The following SDK2 variants were observed in gnomAD, a reference collection of about 807,000 sequenced individuals.
The protein encoded by SDK2 is sidekick cell adhesion molecule 2.
SDK2 carries 105 observed loss-of-function variants against 253.9 expected under a neutral mutation model. The ratio of observed to expected loss-of-function variants is 0.41; its 90% CI spans 0.35 to 0.49. The LOEUF is 0.49. SDK2 is among the 20% of genes least tolerant of loss of function. The pLI is 0.06. For missense variants in SDK2, 2,608 were observed against 3,003.0 expected (o/e 0.87, Z 3.07); for synonymous variants, 1,249 against 1,234.9 (o/e 1.01, Z -0.24).
Position 73,501,242 on chromosome 17 carries a change from G to A in SDK2, c.224+6196C>T, listed in dbSNP as rs75041967. Reference sequence around the variant, plus strand: ...CACAAACACATACATGCATGTGCATGCACACACACACACACACATATTTTA... The same window carrying A: ...CACAAACACATACATGCATGTGCATACACACACACACACACACATATTTTA... On this transcript the variant is annotated intron_variant, in intron 2 of 44. Coordinates refer to ENST00000392650, the MANE Select transcript of SDK2 (RefSeq NM_001144952.2). Among the ~76,000 whole-genome samples the A allele has an allele frequency of 4.2e-4, 64 of 150,752 alleles. 1 individual carries two copies. The highest frequency in any genetic ancestry group is 8.0e-4 in the Non-Finnish European group (54 of 67,674).
intron 1 of SDK2, among the ~76,000 whole-genome samples, chr17:73,575,016 C>A (rs925515835): frequency 1.3e-5 from 2 of 152,200 alleles, no homozygotes; most frequent in Non-Finnish European, 2.9e-5. Context: ...TAAAGGACTG[C>A]TCGTATAGTC....
chr17:73,357,867 T>TG (rs1212615481), intron 40 of SDK2: 2 of 736,204 alleles, frequency 2.7e-6, no homozygotes, highest in Non-Finnish European at 4.7e-6. Flanking sequence ...AGCCGTTCTC[T>TG]GGGGGCCTCC....
chr17:73,342,988 C>G (rs1435428803), intron 44 of SDK2, among the ~76,000 whole-genome samples: 1 of 152,176 alleles, frequency 6.6e-6, no homozygotes, highest in African/African-American at 2.4e-5. Flanking sequence ...GCCGGGGAGG[C>G]TGACTCAGTG....
chr17:73,439,136 C>T (rs1295358374), intron 6 of SDK2, among the ~76,000 whole-genome samples: 1 of 152,086 alleles, frequency 6.6e-6, no homozygotes, highest in Non-Finnish European at 1.5e-5. Context: ...TTAAAGGAGC[C>T]TAGCTCCTCC....
At position 73,516,378 on chromosome 17, in the gene SDK2, C is replaced by T. The variant is rs74539591; in HGVS notation, c.65-8781G>A. ...AGAAGAAATGTCTGCACGTCATACACTAGCTAGGTGGGGCAGGGACTCTCT... is the reference window on the plus strand; with the variant it reads ...AGAAGAAATGTCTGCACGTCATACATTAGCTAGGTGGGGCAGGGACTCTCT... On this transcript the variant is annotated intron_variant, in intron 1 of 44. Coordinates refer to ENST00000392650, the MANE Select transcript of SDK2 (RefSeq NM_001144952.2). 2.1e-3 allele frequency among the ~76,000 whole-genome samples: 314 copies of T among 152,346 alleles called. 2 individuals are homozygous for T. In the East Asian group the frequency reaches 0.035, roughly 17 times the overall value.
At chr17:73,566,565 G>C (rs187878100) in intron 1 of SDK2, among the ~76,000 whole-genome samples, 1 of 152,294 alleles carries the variant, frequency 6.6e-6, no homozygotes, top group South Asian at 2.1e-4. Context: ...CTAGTTAAAT[G>C]GTTGTAACCA....
intron 2 of SDK2, among the ~76,000 whole-genome samples, chr17:73,490,961 G>T (rs1486901265): frequency 6.6e-6 from 1 of 152,128 alleles, no homozygotes; most frequent in Non-Finnish European, 1.5e-5. Context: ...AGATGTTAAG[G>T]AACTTGCCCA....
At chr17:73,505,953 C>G (rs1457809368) in intron 2 of SDK2, among the ~76,000 whole-genome samples, 1 of 152,246 alleles carries the variant, frequency 6.6e-6, no homozygotes, top group Admixed American at 6.5e-5. Flanking sequence ...ACCACCCGCC[C>G]TTGCATCCTA....
In SDK2 at chr17:73,467,784, G is replaced by A. The variant is rs2063612978; in HGVS notation, c.331+4328C>T. Reference sequence around the variant, plus strand: ...TTTAGGGCCCAAAGGGCTGTGGACTGTGGTTACCACTTCACGACATTATGG... The same window carrying A: ...TTTAGGGCCCAAAGGGCTGTGGACTATGGTTACCACTTCACGACATTATGG... On this transcript the variant is annotated intron_variant, in intron 3 of 44. Transcript: ENST00000392650. This position sits in a 1 kb window ranked among gnomAD's most constrained non-coding sequence, Gnocchi z 4.1. Among the ~76,000 whole-genome samples the A allele has an allele frequency of 6.6e-6, 1 of 152,190 alleles. No homozygotes were observed. Among genetic ancestry groups the A allele is most frequent in the Non-Finnish European group, 1.5e-5 (1 of 68,026 alleles).
intron 1 of SDK2, among the ~76,000 whole-genome samples, chr17:73,537,130 C>T (rs1421349206): frequency 1.3e-5 from 2 of 152,118 alleles, no homozygotes; most frequent in Non-Finnish European, 2.9e-5. Context: ...TGCGGGCGCG[C>T]ATCATGTGTG....
rs2279732 is a variant in SDK2 at position 73,361,671 on chromosome 17, G to C, written c.5467+13C>G. On this transcript the variant is annotated intron_variant, in intron 39 of 44. Coordinates refer to ENST00000392650, the MANE Select transcript of SDK2 (RefSeq NM_001144952.2). The surrounding 1 kb of genome is among the most constrained non-coding windows in gnomAD (Gnocchi z 4.1). ...GCCGTGTGGAAGACATGCCTGGTCCGTTGCTCTCCTACCTTCTCCGGGGCC... is the reference window on the plus strand; with the variant it reads ...GCCGTGTGGAAGACATGCCTGGTCCCTTGCTCTCCTACCTTCTCCGGGGCC... 17 of 1,606,086 alleles carry C rather than the reference G, an allele frequency of 1.1e-5. No individual in the cohort carries two copies. Among genetic ancestry groups the C allele is most frequent in the Non-Finnish European group, 1.3e-5 (15 of 1,173,682 alleles).
In SDK2 at chr17:73,455,976, T is replaced by C. The variant is rs1216615541; in HGVS notation, c.409A>G (p.Ile137Val). ...ACCTGTGGCTGGGGGAAGCTGGCGA[T>C]GCGCGGGGCACGGATGACAGCTGCT... Reference protein sequence around the residue: ...GEAAVIRAPRIASFPQPQVTW... With the variant: ...GEAAVIRAPRVASFPQPQVTW... Residue 137 changes from isoleucine (I) to valine (V), a missense_variant, in exon 4 of 45, where the codon ATC becomes GTC. By Grantham distance (29) the Ile-to-Val change is conservative. Transcript: ENST00000392650. The surrounding 1 kb of genome is among the most constrained non-coding windows in gnomAD (Gnocchi z 5.0). 3.2e-6 allele frequency: 5 copies of C among 1,548,656 alleles called. No homozygotes were observed. The highest frequency in any genetic ancestry group is 2.0e-5 in the Admixed American group (1 of 50,826).
chr17:73,555,731 C>T (rs1281223885), intron 1 of SDK2, among the ~76,000 whole-genome samples: 5 of 152,216 alleles, frequency 3.3e-5, no homozygotes, highest in African/African-American at 7.2e-5. Context: ...CAGCAGATGT[C>T]GGCGGATTAG....
At chr17:73,384,133 T>A in intron 32 of SDK2, 122 bp from the exon 33 acceptor site, 1 of 1,135,000 alleles carries the variant, frequency 8.8e-7, no homozygotes, top group South Asian at 1.6e-5. Context: ...GGAAAAGAAA[T>A]CAAGATAATA....
chr17:73,574,138 G>A (rs11077692), intron 1 of SDK2, among the ~76,000 whole-genome samples: 1 of 151,928 alleles, frequency 6.6e-6, no homozygotes, highest in Non-Finnish European at 1.5e-5. Flanking sequence ...CTGTTTGCCC[G>A]ACCCTCAGGA....
At chr17:73,597,920 C>T (rs1474441344) in intron 1 of SDK2, among the ~76,000 whole-genome samples, 1 of 152,224 alleles carries the variant, frequency 6.6e-6, no homozygotes, top group African/African-American at 2.4e-5. Context: ...GCTGGGATTA[C>T]AGGCCTGAGC....
At chr17:73,412,576 T>C (rs2063148291) in intron 18 of SDK2, among the ~76,000 whole-genome samples, 2 of 152,056 alleles carry the variant, frequency 1.3e-5, no homozygotes, top group Non-Finnish European at 2.9e-5. Flanking sequence ...TTAAATGAGG[T>C]CATTAGTGTG....
In SDK2 at chr17:73,379,081, T is replaced by C; in HGVS notation, c.4980+96A>G. ...GAGCTGGCTGGATGAATGGAGGGCC[T>C]GGGGACCTGCCTGCCTCCCACATAT... On this transcript the variant is annotated intron_variant, in intron 36 of 44. Coordinates refer to ENST00000392650, the MANE Select transcript of SDK2 (RefSeq NM_001144952.2). This position sits in a 1 kb window ranked among gnomAD's most constrained non-coding sequence, Gnocchi z 4.5. 2.3e-6 allele frequency: 2 copies of C among 884,162 alleles called. No homozygotes were observed. The highest frequency in any genetic ancestry group is 3.6e-6 in the Non-Finnish European group (2 of 559,060). 54.8% of individuals were successfully genotyped at this position (884,162 alleles called of 1,614,324 possible).
intron 2 of SDK2, among the ~76,000 whole-genome samples, chr17:73,486,509 C>T (rs2063770199): frequency 6.7e-6 from 1 of 149,512 alleles, no homozygotes; most frequent in South Asian, 2.1e-4. Flanking sequence ...ACTTGGGAGG[C>T]TGAGGAAGGA....
Sources: allele counts gnomAD v4.1 joint callset (sites outside exome capture counted in the v4.1 genomes callset), GRCh38; gene constraint gnomAD v4.1.1; non-coding constraint Gnocchi (gnomAD v3.1); transcripts MANE v1.5; gene names NCBI Gene and HGNC (gene_info 2026-07-23, HGNC 2026-07-21).